KCNQ5: variants seen among roughly 807,000 people sequenced by gnomAD.
The protein encoded by KCNQ5 is potassium voltage-gated channel subfamily KQT member 5.
Under a neutral mutation model 98.2 loss-of-function variants are expected in KCNQ5, and 30 were observed. That is an observed-to-expected ratio of 0.31 (90% CI 0.23 to 0.41). KCNQ5 has a LOEUF of 0.41. Ranked by LOEUF, KCNQ5 falls within the 10% of genes least tolerant of loss-of-function variation. The probability of loss-of-function intolerance (pLI) is 1.00; values close to 1 mark genes in which losing one functional copy is unlikely to be tolerated. For synonymous variants in KCNQ5, 458 were observed against 449.4 expected, an observed-to-expected ratio of 1.02 and a Z score of -0.24; for missense variants, 835 against 1,182.5, an observed-to-expected ratio of 0.71 and a Z score of 4.31.
chr6:72,822,599 T>C (rs1236330352), intron 1 of KCNQ5, among the ~76,000 whole-genome samples: 1 of 152,160 alleles, frequency 6.6e-6, no homozygotes, highest in Non-Finnish European at 1.5e-5. Flanking sequence ...GTCTCTTTGT[T>C]TTTTTCTTAA....
intron 1 of KCNQ5, among the ~76,000 whole-genome samples, chr6:72,861,125 C>G (rs1021247570): frequency 3.3e-5 from 5 of 152,036 alleles, no homozygotes; most frequent in Non-Finnish European, 7.4e-5. Flanking sequence ...GAGTGGCCAC[C>G]AGGCAATTTG....
chr6:73,117,734 CACA>C (rs1163840576), intron 7 of KCNQ5, among the ~76,000 whole-genome samples: 2 of 152,232 alleles, frequency 1.3e-5, no homozygotes, highest in African/African-American at 4.8e-5. Context: ...TCTGTGTCAT[CACA>C]ACATTAGAGG....
chr6:73,047,718 T>C (rs1772035426), intron 3 of KCNQ5, among the ~76,000 whole-genome samples: 3 of 152,218 alleles, frequency 2.0e-5, no homozygotes, highest in African/African-American at 4.8e-5. Flanking sequence ...AGACAGGGTA[T>C]TTATTATGTG....
chr6:73,087,587 C>T (rs1398708777), intron 5 of KCNQ5, among the ~76,000 whole-genome samples: 1 of 151,782 alleles, frequency 6.6e-6, no homozygotes, highest in East Asian at 1.9e-4. Context: ...CATTTAAGAT[C>T]ACCTGGAAAG....
chr6:73,141,922 A>T (rs1233759721), intron 10 of KCNQ5, among the ~76,000 whole-genome samples: 1 of 152,248 alleles, frequency 6.6e-6, no homozygotes, highest in Non-Finnish European at 1.5e-5. Flanking sequence ...TCAGGTATCC[A>T]GAAGCAGTTT....
At chr6:72,783,250 A>T (rs1434301239) in intron 1 of KCNQ5, among the ~76,000 whole-genome samples, 1 of 152,118 alleles carries the variant, frequency 6.6e-6, no homozygotes, top group Non-Finnish European at 1.5e-5. Flanking sequence ...AAAATATACT[A>T]AGTAAATTGG....
intron 1 of KCNQ5, among the ~76,000 whole-genome samples, chr6:72,779,849 G>A (rs534919650): frequency 0.016 from 2,347 of 143,534 alleles, 92 homozygotes; most frequent in African/African-American, 0.056. Flanking sequence ...GTGTGTGTGT[G>A]TGTGTGTGTG....
At chr6:73,034,105 C>T (rs1485818395) in intron 2 of KCNQ5, among the ~76,000 whole-genome samples, 3 of 152,156 alleles carry the variant, frequency 2.0e-5, no homozygotes, top group Admixed American at 6.5e-5. Flanking sequence ...TAATTTCATT[C>T]CCCTAATATG....
chr6:73,042,233 G>A, intron 3 of KCNQ5, 171 bp downstream of exon 3: 1 of 691,976 alleles, frequency 1.4e-6, no homozygotes, highest in Non-Finnish European at 2.5e-6. Context: ...TGTCTCCACA[G>A]CATTATGAGG....
chr6:72,826,547 A>G (rs1776002272), intron 1 of KCNQ5, among the ~76,000 whole-genome samples: 1 of 151,004 alleles, frequency 6.6e-6, no homozygotes, highest in African/African-American at 2.5e-5. Context: ...GGTTCCTGCT[A>G]TAATCTTCTT....
At chr6:73,119,094 AG>A (rs145988403) in intron 7 of KCNQ5, among the ~76,000 whole-genome samples, 3,373 of 152,290 alleles carry the variant, frequency 0.022, 125 homozygotes, top group African/African-American at 0.075. Flanking sequence ...ATAATAAAAA[AG>A]TTTTCTCTGA....
chr6:72,881,394 C>T (rs1287679410), intron 1 of KCNQ5, among the ~76,000 whole-genome samples: 2 of 152,290 alleles, frequency 1.3e-5, no homozygotes, highest in East Asian at 1.9e-4. Context: ...TTCACTTCTT[C>T]TTCAAGTATG....
At chr6:72,838,097 TC>T (rs1243024778) in intron 1 of KCNQ5, among the ~76,000 whole-genome samples, 6 of 91,366 alleles carry the variant, frequency 6.6e-5, no homozygotes, top group Admixed American at 4.1e-4. Flanking sequence ...ATGCTATCCC[TC>T]CCCCCTCCCC....
chr6:72,640,334 C>CA (rs71689978), intron 1 of KCNQ5, among the ~76,000 whole-genome samples: 3,982 of 119,124 alleles, frequency 0.033, 62 homozygotes, highest in African/African-American at 0.057. Flanking sequence ...AATTGCTGGG[C>CA]AAAAAAAAAA....
intron 1 of KCNQ5, among the ~76,000 whole-genome samples, chr6:72,642,243 G>A (rs1007043480): frequency 2.6e-5 from 4 of 151,298 alleles, no homozygotes; most frequent in Non-Finnish European, 5.9e-5. Flanking sequence ...CATATCCTTT[G>A]CCCATTAAAC....
chr6:72,801,693 C>T (rs1412704002), intron 1 of KCNQ5, among the ~76,000 whole-genome samples: 6 of 139,446 alleles, frequency 4.3e-5, no homozygotes, highest in Admixed American at 2.7e-4. Flanking sequence ...TTATTTTGCT[C>T]GTTAGTTGAT....
chr6:73,185,387 G>T (rs573998566), intron 11 of KCNQ5, among the ~76,000 whole-genome samples: 2 of 152,172 alleles, frequency 1.3e-5, no homozygotes, highest in African/African-American at 4.8e-5. Context: ...TCACTATGTT[G>T]CCCAGGCTGG....
intron 1 of KCNQ5, among the ~76,000 whole-genome samples, chr6:72,770,277 T>C (rs565861562): frequency 6.6e-5 from 10 of 152,200 alleles, no homozygotes; most frequent in African/African-American, 2.4e-4. Flanking sequence ...TAGGTCTAGC[T>C]CTTGAGATGA....
At chr6:73,122,842 T>C (rs923293873) in intron 8 of KCNQ5, among the ~76,000 whole-genome samples, 2 of 152,236 alleles carry the variant, frequency 1.3e-5, no homozygotes, top group Non-Finnish European at 2.9e-5. Flanking sequence ...TTCAAACTTT[T>C]GTTTTACAAA....
Sources: allele counts gnomAD v4.1 joint callset (sites outside exome capture counted in the v4.1 genomes callset), GRCh38; gene constraint gnomAD v4.1.1; transcripts MANE v1.5; gene names NCBI Gene and HGNC (gene_info 2026-07-23, HGNC 2026-07-21).